MECOM: variants seen among roughly 807,000 people sequenced by gnomAD.
MECOM encodes the protein MDS1 and EVI1 complex locus.
MECOM carries 13 observed loss-of-function variants against 116.3 expected under a neutral mutation model. The ratio of observed to expected loss-of-function variants is 0.11; its 90% CI spans 0.07 to 0.18. The LOEUF (loss-of-function observed/expected upper bound fraction) is 0.18. Among genes scored for constraint, MECOM ranks in the 10% least tolerant of loss-of-function variants. The pLI, the probability that MECOM is intolerant of heterozygous loss-of-function variation, is 1.00. For missense variants in MECOM, 1,299 were observed against 1,509.0 expected (o/e 0.86, Z 2.31); for synonymous variants, 528 against 535.2 (o/e 0.99, Z 0.19).
chr3:169,227,300 A>G (rs985814605), intron 2 of MECOM, among the ~76,000 whole-genome samples: 8 of 152,208 alleles, frequency 5.3e-5, no homozygotes, highest in Non-Finnish European at 8.8e-5. Context: ...TGATTATAAA[A>G]TATACCCAGA....
intron 2 of MECOM, among the ~76,000 whole-genome samples, chr3:169,252,000 G>C (rs1756300552): frequency 6.6e-6 from 1 of 152,058 alleles, no homozygotes; most frequent in South Asian, 2.1e-4. Flanking sequence ...TTTTATTGAG[G>C]TTATGGTGTT....
In MECOM at chr3:169,346,348, ATG is replaced by A. The variant is rs1468555766; in HGVS notation, c.375+34837_375+34838del. Among the ~76,000 whole-genome samples, 18 of 152,240 alleles carry A rather than the reference ATG, an allele frequency of 1.2e-4. No homozygotes were observed. The East Asian group carries it at 3.5e-3, about 29-fold the overall frequency. On this transcript the variant is annotated intron_variant, in intron 2 of 16. Transcript: ENST00000651503. ...TCTTGTGATTTCTTTGTAAAATTAA[ATG>A]AACCATCATCATACATTCTGCAGGT... is the stretch of plus-strand genomic sequence containing the variant.
intron 1 of MECOM, among the ~76,000 whole-genome samples, chr3:169,600,437 G>T (rs1156428653): frequency 1.3e-5 from 2 of 152,144 alleles, no homozygotes; most frequent in Non-Finnish European, 2.9e-5. Flanking sequence ...AGGTAGAAAA[G>T]TAGGCACTAT....
chr3:169,479,483 G>T (rs1750963019), intron 1 of MECOM, among the ~76,000 whole-genome samples: 1 of 151,966 alleles, frequency 6.6e-6, no homozygotes, highest in Non-Finnish European at 1.5e-5. Context: ...AGACAGGCAG[G>T]GCCAGACCAT....
chr3:169,398,564 A>G (rs1735368697), intron 1 of MECOM, among the ~76,000 whole-genome samples: 1 of 152,170 alleles, frequency 6.6e-6, no homozygotes, highest in Non-Finnish European at 1.5e-5. Flanking sequence ...TTCTTTTGTG[A>G]CTGGTCACAG....
At chr3:169,353,488 T>C (rs1193137237) in intron 2 of MECOM, among the ~76,000 whole-genome samples, 1 of 151,784 alleles carries the variant, frequency 6.6e-6, no homozygotes, top group Non-Finnish European at 1.5e-5. Flanking sequence ...AAAGATCGGT[T>C]TTATACAAGT....
chr3:169,179,336 A>G (rs1034321589), intron 2 of MECOM, among the ~76,000 whole-genome samples: 2 of 152,182 alleles, frequency 1.3e-5, no homozygotes, highest in African/African-American at 2.4e-5. Flanking sequence ...CTAGTGTGTT[A>G]AAAGAGATTT....
intron 5 of MECOM, among the ~76,000 whole-genome samples, chr3:169,123,303 ATGTG>A (rs34615103): frequency 2.1e-4 from 31 of 147,580 alleles, no homozygotes; most frequent in Admixed American, 5.4e-4. Flanking sequence ...ATATGCATGG[ATGTG>A]TGTGTGTGTG....
rs139481753 is a variant in MECOM, at chr3:169,291,309, C to T, written c.375+89878G>A. On this transcript the variant is annotated intron_variant, in intron 2 of 16. Coordinates refer to ENST00000651503, the MANE Select transcript of MECOM (RefSeq NM_004991.4). ...CCTCCAACTCACTATCAAGGAAGAACTGAGTTCCTGGGAAAATTAGTCATA... is the reference window on the plus strand; with the variant it reads ...CCTCCAACTCACTATCAAGGAAGAATTGAGTTCCTGGGAAAATTAGTCATA... Among the ~76,000 whole-genome samples, 123 of 152,282 alleles carry T rather than the reference C, an allele frequency of 8.1e-4. No homozygotes were observed. The East Asian group carries it at 0.022, about 27-fold the overall frequency.
intron 2 of MECOM, among the ~76,000 whole-genome samples, chr3:169,248,052 T>A (rs574570048): frequency 6.6e-6 from 1 of 152,308 alleles, no homozygotes; most frequent in South Asian, 2.1e-4. Context: ...TTAAATAAAA[T>A]CATGTGTTTA....
intron 1 of MECOM, among the ~76,000 whole-genome samples, chr3:169,399,638 A>G (rs1735557083): frequency 6.6e-6 from 1 of 152,230 alleles, no homozygotes; most frequent in African/African-American, 2.4e-5. Flanking sequence ...GTACTGAGCT[A>G]AACCTTGTAC....
At chr3:169,537,479 T>G (rs924622837) in intron 1 of MECOM, among the ~76,000 whole-genome samples, 2 of 152,190 alleles carry the variant, frequency 1.3e-5, no homozygotes, top group Non-Finnish European at 2.9e-5. Context: ...GACATAAAAG[T>G]AGATTCATCC....
chr3:169,114,100 C>A (rs1728325497), intron 8 of MECOM, among the ~76,000 whole-genome samples: 1 of 152,138 alleles, frequency 6.6e-6, no homozygotes, highest in Non-Finnish European at 1.5e-5. Flanking sequence ...GAAAAATTAT[C>A]TTAACAAAGG....
chr3:169,378,513 GAAA>G lies in MECOM; in HGVS notation c.375+2671_375+2673del, dbSNP rs60888447. 1.2e-3 allele frequency among the ~76,000 whole-genome samples: 37 copies of G among 29,842 alleles called. 2 individuals are homozygous for G. The highest frequency in any genetic ancestry group is 3.2e-3 in the African/African-American group (19 of 5,888). 19.6% of individuals were successfully genotyped at this position (29,842 alleles called of 152,430 possible). A position where few individuals can be genotyped will look rare whatever the true frequency, so the allele number is the denominator to read the frequency against. ...AGAAAGAAAGAAAGAAAGAAAGAAA[GAAA>G]AGAAAGAAAGAAAGAAAGAAAGAAA... On this transcript the variant is annotated intron_variant, in intron 2 of 16. Transcript: ENST00000651503.
chr3:169,089,865 A>G (rs183812875), intron 15 of MECOM, 135 bp downstream of exon 15: 1,446 of 1,354,654 alleles, frequency 1.1e-3, no homozygotes, highest in Non-Finnish European at 1.3e-3. Context: ...TTTAAATCTG[A>G]TCCACCATGT....
intron 1 of MECOM, among the ~76,000 whole-genome samples, chr3:169,622,966 T>C (rs1770932842): frequency 6.6e-6 from 1 of 152,184 alleles, no homozygotes; most frequent in South Asian, 2.1e-4. Flanking sequence ...GAAGATCAGA[T>C]GAAAAGAGTA....
chr3:169,561,835 A>G (rs1005823490), intron 1 of MECOM, among the ~76,000 whole-genome samples: 1 of 152,158 alleles, frequency 6.6e-6, no homozygotes, highest in African/African-American at 2.4e-5. Context: ...ATTTAACATA[A>G]AACATTGTAA....
intron 2 of MECOM, among the ~76,000 whole-genome samples, chr3:169,151,359 T>C (rs374241910): frequency 7.2e-5 from 11 of 152,354 alleles, no homozygotes; most frequent in African/African-American, 2.6e-4. Context: ...TATGTTCCCA[T>C]TCACCCTGAC....
In MECOM at chr3:169,581,782, G is replaced by A. The variant is rs752719058; in HGVS notation, c.37+81554C>T. Among the ~76,000 whole-genome samples, 18 of 152,294 alleles carry A rather than the reference G, an allele frequency of 1.2e-4. No homozygotes were observed. In the South Asian group the frequency reaches 1.7e-3, roughly 14 times the overall value. On this transcript the variant is annotated intron_variant, in intron 1 of 16. Coordinates refer to ENST00000651503, the MANE Select transcript of MECOM (RefSeq NM_004991.4). The stretch of plus-strand genomic sequence containing the variant: ...TTCATTTTGACTCCTTAATGAGAGC[G>A]ACCTTTGACACAGGCTGATGAGTTC...
Sources: allele counts gnomAD v4.1 joint callset (sites outside exome capture counted in the v4.1 genomes callset), GRCh38; gene constraint gnomAD v4.1.1; transcripts MANE v1.5; gene names NCBI Gene and HGNC (gene_info 2026-07-23, HGNC 2026-07-21).